The following ARAP2 variants were observed in gnomAD, a reference collection of about 807,000 sequenced individuals.
ARAP2 encodes the protein arf-GAP with Rho-GAP domain, ANK repeat and PH domain-containing protein 2.
A neutral mutation model predicts 194.5 loss-of-function variants in ARAP2; 148 were observed. That is an observed-to-expected ratio of 0.76 (90% CI 0.67 to 0.87). The LOEUF (loss-of-function observed/expected upper bound fraction) is 0.87. Among genes scored for constraint, ARAP2 ranks in the 40% least tolerant of loss-of-function variants. The pLI is 0.00. For missense variants in ARAP2, 2,128 were observed against 1,989.7 expected, an observed-to-expected ratio of 1.07 and a Z score of -1.32; for synonymous variants, 695 against 683.5, an observed-to-expected ratio of 1.02 and a Z score of -0.26.
At chr4:36,014,885 T>G (rs113772605) in intron 8 of ARAP2, among the ~76,000 whole-genome samples, 1 of 152,122 alleles carries the variant, frequency 6.6e-6, no homozygotes, top group Non-Finnish European at 1.5e-5. Flanking sequence ...AAGATTTCTT[T>G]GAAATAAAAA....
At chr4:36,070,428 T>A (rs947531332) in intron 32 of ARAP2, among the ~76,000 whole-genome samples, 4 of 152,230 alleles carry the variant, frequency 2.6e-5, no homozygotes, top group African/African-American at 9.6e-5. Flanking sequence ...AAGAGATGGC[T>A]TGCTATAGGC....
chr4:36,201,089 A>G (rs1288610230), intron 6 of ARAP2, among the ~76,000 whole-genome samples: 4 of 152,232 alleles, frequency 2.6e-5, no homozygotes, highest in Non-Finnish European at 5.9e-5. Context: ...AAAAATAGCA[A>G]ACACATAGTC....
chr4:36,044,689 A>G (rs1007116572), intron 5 of ARAP2, among the ~76,000 whole-genome samples: 1 of 152,202 alleles, frequency 6.6e-6, no homozygotes, highest in Non-Finnish European at 1.5e-5. Context: ...AAAATGGAAC[A>G]GACAAATGAG....
intron 18 of ARAP2, 37 bp from the exon 19 acceptor site, chr4:36,147,396 A>G: frequency 2.5e-6 from 4 of 1,606,376 alleles, no homozygotes; most frequent in South Asian, 2.2e-5. Flanking sequence ...TTATTTTTTA[A>G]AACACTGTAA....
chr4:36,203,057 T>C (rs969620608), intron 6 of ARAP2, among the ~76,000 whole-genome samples: 2 of 152,200 alleles, frequency 1.3e-5, no homozygotes, highest in Non-Finnish European at 2.9e-5. Context: ...GTTTAAGATG[T>C]AGACTTGCAC....
At chr4:36,009,885 G>GGT (rs1553859402) in intron 9 of ARAP2, among the ~76,000 whole-genome samples, 2 of 143,090 alleles carry the variant, frequency 1.4e-5, no homozygotes, top group Non-Finnish European at 3.1e-5. Context: ...TTTTTTGGCG[G>GGT]GGGGTAGGGG....
At chr4:36,226,019 AAAAC>A (rs1242601858) in intron 2 of ARAP2, among the ~76,000 whole-genome samples, 1 of 152,198 alleles carries the variant, frequency 6.6e-6, no homozygotes, top group East Asian at 1.9e-4. Flanking sequence ...AGCACAAGGA[AAAAC>A]AAACAGTGAA....
intron 27 of ARAP2, among the ~76,000 whole-genome samples, chr4:36,103,274 T>C (rs1240456409): frequency 1.3e-5 from 2 of 151,718 alleles, no homozygotes; most frequent in Non-Finnish European, 2.9e-5. Flanking sequence ...TATATAAGTA[T>C]TTCTCTCCCA....
chr4:36,173,382 T>C (rs1384987355), intron 9 of ARAP2, among the ~76,000 whole-genome samples: 1 of 152,166 alleles, frequency 6.6e-6, no homozygotes, highest in East Asian at 1.9e-4. Flanking sequence ...TTACACACTA[T>C]ACACCTATCA....
At chr4:36,167,706 A>G (rs952449502) in intron 9 of ARAP2, among the ~76,000 whole-genome samples, 17 of 152,174 alleles carry the variant, frequency 1.1e-4, no homozygotes, top group Non-Finnish European at 1.5e-5. Flanking sequence ...AAGCTCCTCT[A>G]ATGCTACTTT....
rs191190599 is a variant in ARAP2, at chr4:36,185,850, T to A, written c.1678+1601A>T. On this transcript the variant is annotated intron_variant, in intron 8 of 32. Transcript: ENST00000303965. ...AAAATTAGCTGGGCGTGGTGATGCA[T>A]GCCTGTAGTCCCAGGTACTTGGGAG... 3.5e-3 allele frequency among the ~76,000 whole-genome samples: 527 copies of A among 151,400 alleles called. 2 individuals are homozygous for A. Among genetic ancestry groups the A allele is most frequent in the Middle Eastern group, 0.014 (4 of 294 alleles).
At chr4:36,133,508 A>G (rs1185720103) in intron 19 of ARAP2, 119 bp from the exon 20 acceptor site, 1 of 884,818 alleles carries the variant, frequency 1.1e-6, no homozygotes, top group Non-Finnish European at 1.7e-6. Context: ...CTTTTATCTC[A>G]TCCACCACGA....
Position 36,128,667 on chromosome 4 carries a change from T to A in ARAP2, c.3506A>T (p.Asp1169Val), listed in dbSNP as rs1415529127. Residue 1169 changes from aspartate to valine, a missense_variant, in exon 21 of 33, where the codon GAT (aspartate) becomes GTT (valine). Asp to Val is a radical substitution (Grantham distance 152). Transcript: ENST00000303965. The stretch of plus-strand genomic sequence containing the variant: ...AGCCCTCAATTTAAAGCTTCTTGCA[T>A]CCTTTTTGAAACTCTCCAGGAGTTC... ...ISELLESFKK[D>V]ARSFKLRAGK... 6.2e-7 allele frequency: 1 copy of A among 1,612,904 alleles called. No individual in the cohort carries two copies. Among genetic ancestry groups the A allele is most frequent in the South Asian group, 1.1e-5 (1 of 91,066 alleles).
intron 6 of ARAP2, among the ~76,000 whole-genome samples, chr4:36,195,393 AT>A (rs1351671546): frequency 6.6e-6 from 1 of 152,260 alleles, no homozygotes; most frequent in Non-Finnish European, 1.5e-5. Context: ...GTAAAGAAAT[AT>A]TAAGCAAACA....
chr4:36,122,852 G>T (rs1722986940), intron 22 of ARAP2, among the ~76,000 whole-genome samples: 1 of 151,672 alleles, frequency 6.6e-6, no homozygotes, highest in Non-Finnish European at 1.5e-5. Context: ...ACTGTAAGTG[G>T]CACACTTGAT....
At chr4:36,098,111 A>G (rs1715817944) in intron 27 of ARAP2, among the ~76,000 whole-genome samples, 2 of 152,072 alleles carry the variant, frequency 1.3e-5, no homozygotes, top group East Asian at 1.9e-4. Flanking sequence ...TAGTACAAAA[A>G]TAGTTATCTC....
intron 8 of ARAP2, among the ~76,000 whole-genome samples, chr4:36,185,367 G>C (rs1740286298): frequency 6.6e-6 from 1 of 152,014 alleles, no homozygotes; most frequent in Admixed American, 6.6e-5. Flanking sequence ...ATTATTTTCT[G>C]TTTGGGGTTT....
intron 16 of ARAP2, 70 bp from the exon 17 acceptor site, chr4:36,148,577 G>A: frequency 9.4e-7 from 1 of 1,067,694 alleles, no homozygotes; most frequent in Non-Finnish European, 1.4e-6. Flanking sequence ...TAACACAAAG[G>A]TCATGTTTTT....
At chr4:36,018,845 C>A (rs1716366017) in intron 6 of ARAP2, among the ~76,000 whole-genome samples, 1 of 152,116 alleles carries the variant, frequency 6.6e-6, no homozygotes, top group Admixed American at 6.5e-5. Context: ...GGTAGGATTT[C>A]TGTTTTTCTC....
Sources: allele counts gnomAD v4.1 joint callset (sites outside exome capture counted in the v4.1 genomes callset), GRCh38; gene constraint gnomAD v4.1.1; transcripts MANE v1.5; gene names NCBI Gene and HGNC (gene_info 2026-07-23, HGNC 2026-07-21).